The following XKR4 variants were observed in gnomAD, a reference collection of about 807,000 sequenced individuals.
The protein encoded by XKR4 is XK related 4.
XKR4 carries 12 observed loss-of-function variants against 53.9 expected under a neutral mutation model. The ratio of observed to expected loss-of-function variants is 0.22; its 90% CI spans 0.14 to 0.36. The LOEUF (loss-of-function observed/expected upper bound fraction) is 0.36. Among genes scored for constraint, XKR4 ranks in the 10% least tolerant of loss-of-function variants. The probability of loss-of-function intolerance (pLI) is 1.00; values close to 1 mark genes in which losing one functional copy is unlikely to be tolerated. For synonymous variants in XKR4, 354 were observed against 362.4 expected (o/e 0.98, Z 0.26); for missense variants, 799 against 859.5 (o/e 0.93, Z 0.88).
At chr8:55,177,627 TG>T (rs1411005481) in intron 1 of XKR4, among the ~76,000 whole-genome samples, 1 of 152,234 alleles carries the variant, frequency 6.6e-6, no homozygotes, top group Admixed American at 6.5e-5. Context: ...ATACTCCTGC[TG>T]GGAGGAAACA....
intron 2 of XKR4, among the ~76,000 whole-genome samples, chr8:55,482,631 C>A (rs913958641): frequency 6.6e-6 from 1 of 151,864 alleles, no homozygotes; most frequent in African/African-American, 2.4e-5. Flanking sequence ...CATTTACTAC[C>A]CAGTAGACTT....
chr8:55,427,761 A>G (rs1049819942), intron 2 of XKR4, among the ~76,000 whole-genome samples: 1 of 152,224 alleles, frequency 6.6e-6, no homozygotes, highest in East Asian at 1.9e-4. Flanking sequence ...GTGTCTAGCT[A>G]CTTAATGGTT....
At chr8:55,446,554 G>T (rs1425233493) in intron 2 of XKR4, among the ~76,000 whole-genome samples, 1 of 152,034 alleles carries the variant, frequency 6.6e-6, no homozygotes, top group Non-Finnish European at 1.5e-5. Flanking sequence ...TCACCATGTT[G>T]CCCAGGCTGG....
chr8:55,269,534 C>T (rs113869836), intron 1 of XKR4, among the ~76,000 whole-genome samples: 3 of 152,152 alleles, frequency 2.0e-5, no homozygotes, highest in African/African-American at 4.8e-5. Context: ...GGTGTGTGAA[C>T]ACTCCTTTCC....
intron 2 of XKR4, among the ~76,000 whole-genome samples, chr8:55,447,222 G>A (rs919924900): frequency 6.6e-6 from 1 of 152,162 alleles, no homozygotes; most frequent in Non-Finnish European, 1.5e-5. Flanking sequence ...TAAAAGGTAG[G>A]TGAGCACAAA....
At chr8:55,223,178 T>C (rs2129365680) in intron 1 of XKR4, among the ~76,000 whole-genome samples, 1 of 152,238 alleles carries the variant, frequency 6.6e-6, no homozygotes, top group East Asian at 1.9e-4. Flanking sequence ...CATGTCTTTA[T>C]GTCTGTCATT....
At chr8:55,255,139 C>A (rs1329496078) in intron 1 of XKR4, among the ~76,000 whole-genome samples, 1 of 152,148 alleles carries the variant, frequency 6.6e-6, no homozygotes, top group Non-Finnish European at 1.5e-5. Context: ...CATTCATGAG[C>A]TTTTTAGAGA....
intron 2 of XKR4, among the ~76,000 whole-genome samples, chr8:55,455,617 G>A (rs1014624850): frequency 6.6e-6 from 1 of 152,162 alleles, no homozygotes; most frequent in Non-Finnish European, 1.5e-5. Flanking sequence ...AGTTACAAGT[G>A]GTAGACCAAT....
intron 1 of XKR4, among the ~76,000 whole-genome samples, chr8:55,104,277 TA>T (rs11284266): frequency 0.81 from 123,807 of 152,066 alleles, 50,558 homozygotes; most frequent in East Asian, 0.93. Context: ...TTTACATCTA[TA>T]AAAATTACTT....
intron 2 of XKR4, among the ~76,000 whole-genome samples, chr8:55,360,709 T>C (rs765117976): frequency 6.6e-6 from 1 of 152,192 alleles, no homozygotes; most frequent in South Asian, 2.1e-4. Context: ...TTAAACCCAA[T>C]TTCAACCATC....
At chr8:55,452,822 C>G (rs1805475379) in intron 2 of XKR4, 2 of 770,486 alleles carry the variant, frequency 2.6e-6, no homozygotes, top group Non-Finnish European at 4.7e-6. Flanking sequence ...TGCTGGTGCT[C>G]TCCAGGTCAC....
chr8:55,148,525 G>A (rs1816800716), intron 1 of XKR4, among the ~76,000 whole-genome samples: 1 of 152,078 alleles, frequency 6.6e-6, no homozygotes, highest in Non-Finnish European at 1.5e-5. Flanking sequence ...ATGCAATGAG[G>A]GCTTTTTCTT....
intron 1 of XKR4, among the ~76,000 whole-genome samples, chr8:55,166,494 A>C (rs1019210222): frequency 6.6e-6 from 1 of 152,258 alleles, no homozygotes; most frequent in East Asian, 1.9e-4. Flanking sequence ...CAAACAAACA[A>C]TAGACAAAAG....
intron 2 of XKR4, among the ~76,000 whole-genome samples, chr8:55,439,995 A>C (rs1805241343): frequency 6.6e-6 from 1 of 152,214 alleles, no homozygotes; most frequent in South Asian, 2.1e-4. Flanking sequence ...GAGAAGGATG[A>C]AGCCAGATTT....
Position 55,326,616 on chromosome 8 carries a change from G to T in XKR4, c.807-31062G>T, listed in dbSNP as rs568768243. ...CTCCTGAGTAGCTGGGACTACAGGC[G>T]TGCACCACTGTGCCTGGATAATTTT... On this transcript the variant is annotated intron_variant, in intron 1 of 2. Transcript: ENST00000327381. 2.6e-5 allele frequency among the ~76,000 whole-genome samples: 4 copies of T among 151,324 alleles called. 1 individual carries two copies. Among genetic ancestry groups the T allele is most frequent in the Non-Finnish European group, 4.4e-5 (3 of 67,896 alleles).
chr8:55,157,264 G>T (rs1051850304), intron 1 of XKR4, among the ~76,000 whole-genome samples: 3 of 152,122 alleles, frequency 2.0e-5, no homozygotes, highest in Non-Finnish European at 2.9e-5. Flanking sequence ...CTTCAAAGTG[G>T]AACTTATTCA....
At chr8:55,464,527 A>G (rs976589650) in intron 2 of XKR4, among the ~76,000 whole-genome samples, 2 of 152,166 alleles carry the variant, frequency 1.3e-5, no homozygotes, top group African/African-American at 4.8e-5. Context: ...ATCATACTGA[A>G]TGGGCAAAAA....
At chr8:55,370,128 TA>T (rs1286275663) in intron 2 of XKR4, among the ~76,000 whole-genome samples, 1 of 152,170 alleles carries the variant, frequency 6.6e-6, no homozygotes, top group Non-Finnish European at 1.5e-5. Flanking sequence ...TTCTTAAAAA[TA>T]AATAGCTAAA....
intron 2 of XKR4, among the ~76,000 whole-genome samples, chr8:55,482,723 C>G (rs1452096870): frequency 1.3e-5 from 2 of 151,978 alleles, no homozygotes; most frequent in African/African-American, 4.8e-5. Flanking sequence ...AATATACACT[C>G]AAAGGGTTAT....
Sources: gnomAD v4.1 joint callset for allele counts (sites outside exome capture counted in the v4.1 genomes callset) on GRCh38, gnomAD v4.1.1 for gene constraint, MANE v1.5 for transcripts, NCBI Gene and HGNC (gene_info 2026-07-23, HGNC 2026-07-21) for gene names.